The following CPEB2 variants were observed in gnomAD, a reference collection of about 807,000 sequenced individuals.
The protein encoded by CPEB2 is cytoplasmic polyadenylation element binding protein 2.
CPEB2 carries 56 observed loss-of-function variants against 93.6 expected under a neutral mutation model. That is an observed-to-expected ratio of 0.60 (90% CI 0.48 to 0.75). The LOEUF is 0.75. CPEB2 is among the 30% of genes least tolerant of loss of function. The pLI, the probability that CPEB2 is intolerant of heterozygous loss-of-function variation, is 0.00. For synonymous variants in CPEB2, 764 were observed against 586.3 expected, an observed-to-expected ratio of 1.30 and a Z score of -4.38; for missense variants, 1,579 against 1,395.1, an observed-to-expected ratio of 1.13 and a Z score of -2.10.
chr4:15,066,006 C>T (rs1304335597), intron 11 of CPEB2, 147 bp from the exon 12 acceptor site: 5 of 665,540 alleles, frequency 7.5e-6, no homozygotes, highest in South Asian at 3.9e-5. Context: ...TAACCTACTA[C>T]ATTGTAAAGC....
At chr4:15,050,212 A>G (rs1199590191) in intron 6 of CPEB2, among the ~76,000 whole-genome samples, 4 of 152,172 alleles carry the variant, frequency 2.6e-5, no homozygotes, top group African/African-American at 7.2e-5. Flanking sequence ...CAGCAGTAGC[A>G]TTAGATTCTC....
Position 15,066,386 on chromosome 4 carries a change from GC to G in CPEB2, c.*7del, listed in dbSNP as rs771025072. ...TCCACTTCCGCTGGAACTAAGAATAGCAAACTGGCCTCTGTTTAACAAGGAA... is the reference window on the plus strand; with the variant it reads ...TCCACTTCCGCTGGAACTAAGAATAGAAACTGGCCTCTGTTTAACAAGGAA... On this transcript the variant is annotated 3_prime_UTR_variant, in exon 12 of 12. Coordinates refer to ENST00000538197, the MANE Select transcript of CPEB2 (RefSeq NM_001177382.2). 1.0e-5 allele frequency: 16 copies of G among 1,579,870 alleles called. No homozygotes were observed. Among genetic ancestry groups the G allele is most frequent in the Non-Finnish European group, 1.2e-5 (14 of 1,159,156 alleles).
At chr4:15,050,176 T>G (rs1184561865) in intron 6 of CPEB2, among the ~76,000 whole-genome samples, 1 of 152,220 alleles carries the variant, frequency 6.6e-6, no homozygotes, top group Non-Finnish European at 1.5e-5. Context: ...CATTGCTGCC[T>G]GCCTGAGCTC....
At chr4:15,057,054 A>T (rs1728777074) in intron 8 of CPEB2, among the ~76,000 whole-genome samples, 1 of 152,136 alleles carries the variant, frequency 6.6e-6, no homozygotes, top group Non-Finnish European at 1.5e-5. Flanking sequence ...TGAATTTAAT[A>T]TACTATTTTA....
intron 4 of CPEB2, among the ~76,000 whole-genome samples, chr4:15,018,468 G>C (rs1724417392): frequency 6.6e-6 from 1 of 150,938 alleles, no homozygotes; most frequent in Non-Finnish European, 1.5e-5. Context: ...GGTTTTTGGG[G>C]ATGTTTGTTT....
At chr4:15,048,719 G>A (rs1033915502) in intron 6 of CPEB2, among the ~76,000 whole-genome samples, 1 of 151,776 alleles carries the variant, frequency 6.6e-6, no homozygotes, top group African/African-American at 2.4e-5. Context: ...TTTGAGCCTG[G>A]CTTTTGCTGC....
chr4:15,050,671 C>T (rs896497394), intron 6 of CPEB2, among the ~76,000 whole-genome samples: 1 of 152,068 alleles, frequency 6.6e-6, no homozygotes, highest in African/African-American at 2.4e-5. Context: ...TACTTAATTG[C>T]TCTTTCGTTC....
intron 6 of CPEB2, among the ~76,000 whole-genome samples, chr4:15,047,695 T>C (rs567607417): frequency 6.6e-6 from 1 of 152,206 alleles, no homozygotes; most frequent in African/African-American, 2.4e-5. Flanking sequence ...TTATTTTTCT[T>C]TGCCAGTGTT....
In CPEB2 at chr4:15,003,642, C is replaced by T. The variant is rs901480135; in HGVS notation, c.969C>T (p.Asn323=). The T allele has an allele frequency of 5.5e-5, 81 of 1,481,912 alleles. No individual in the cohort carries two copies. The highest frequency in any genetic ancestry group is 6.8e-5 in the Non-Finnish European group (76 of 1,120,730). 91.8% of individuals were successfully genotyped at this position (1,481,912 alleles called of 1,614,324 possible). Residue 323 remains asparagine (N), a synonymous_variant, in exon 1 of 12, where the codon AAC becomes AAT. Transcript: ENST00000538197. ...SMESPNHPLL[N]SPSNLLPGGA... is the part of the protein sequence containing the mutation. ...AGTCCCCCAACCACCCTCTGCTCAA[C>T]AGTCCCAGTAACCTCCTGCCCGGAG...
intron 3 of CPEB2, among the ~76,000 whole-genome samples, chr4:15,013,572 T>C (rs1389955059): frequency 6.6e-6 from 1 of 152,086 alleles, no homozygotes; most frequent in East Asian, 1.9e-4. Context: ...TTCAGAAGAA[T>C]GCATGAGTGT....
chr4:15,035,312 A>G (rs1020478599), intron 5 of CPEB2, among the ~76,000 whole-genome samples: 3 of 151,872 alleles, frequency 2.0e-5, no homozygotes, highest in Non-Finnish European at 4.4e-5. Context: ...GGCTTTTTCT[A>G]TCTGTGTAAC....
At chr4:15,019,861 A>G (rs1332287912) in intron 4 of CPEB2, among the ~76,000 whole-genome samples, 2 of 152,082 alleles carry the variant, frequency 1.3e-5, no homozygotes, top group Non-Finnish European at 2.9e-5. Flanking sequence ...TAGCAGATCA[A>G]AAAAACAGTA....
chr4:15,053,084 T>C (rs1451302081), intron 7 of CPEB2, among the ~76,000 whole-genome samples: 1 of 151,984 alleles, frequency 6.6e-6, no homozygotes, highest in African/African-American at 2.4e-5. Context: ...TGGCGCAATC[T>C]CGGCTCGCTG....
At chr4:15,017,391 T>C in intron 4 of CPEB2, 113 bp downstream of exon 4, 2 of 477,054 alleles carry the variant, frequency 4.2e-6, no homozygotes, top group Non-Finnish European at 7.3e-6. Context: ...TATAAAACTC[T>C]CTTACACATT....
In CPEB2 at chr4:15,033,142, C is replaced by G. The variant is rs1560234930; in HGVS notation, c.2126-19C>G. On this transcript the variant is annotated intron_variant, in intron 4 of 11. Transcript: ENST00000538197. ...ATAACTCCATAATCTTCAAACTCAC[C>G]TTTCCTGTCTTTTTAAAGGTCGATT... 2 of 1,581,972 alleles carry G rather than the reference C, an allele frequency of 1.3e-6. No homozygotes were observed. Among genetic ancestry groups the G allele is most frequent in the Non-Finnish European group, 1.7e-6 (2 of 1,156,544 alleles).
Position 15,008,277 on chromosome 4 carries a change from G to A in CPEB2, c.1945-61G>A, listed in dbSNP as rs147887241. The A allele has an allele frequency of 3.5e-5, 39 of 1,115,580 alleles. No homozygotes were observed. In the African/African-American group the frequency reaches 4.0e-4, roughly 11 times the overall value. 69.1% of individuals were successfully genotyped at this position (1,115,580 alleles called of 1,614,324 possible). ...ATTTTTTGTTTTCTTTCTTTCTTTC[G>A]TTGGGTGGGTATGGGGAAGACAACT... On this transcript the variant is annotated intron_variant, in intron 2 of 11. Transcript: ENST00000538197.
intron 4 of CPEB2, among the ~76,000 whole-genome samples, chr4:15,019,705 T>C (rs976725938): frequency 6.6e-6 from 1 of 152,124 alleles, no homozygotes; most frequent in Admixed American, 6.6e-5. Context: ...GTTTTTGTTA[T>C]GGGATCTGAT....
intron 3 of CPEB2, among the ~76,000 whole-genome samples, chr4:15,010,337 A>AC (rs527452275): frequency 6.6e-6 from 1 of 151,232 alleles, no homozygotes; most frequent in Non-Finnish European, 1.5e-5. Context: ...ATGCTGCCCC[A>AC]CCCCCCTTGC....
intron 4 of CPEB2, among the ~76,000 whole-genome samples, chr4:15,027,818 G>C (rs1198279753): frequency 6.6e-6 from 1 of 152,022 alleles, no homozygotes; most frequent in Non-Finnish European, 1.5e-5. Flanking sequence ...TTGTTCTTGA[G>C]GACTCTACAT....
Sources: allele counts gnomAD v4.1 joint callset (sites outside exome capture counted in the v4.1 genomes callset), GRCh38; gene constraint gnomAD v4.1.1; transcripts MANE v1.5; gene names NCBI Gene and HGNC (gene_info 2026-07-23, HGNC 2026-07-21).